Variants in TARBP1 observed in about 807,000 individuals in gnomAD.
TARBP1 encodes tRNA (guanosine(18)-2'-O)-methyltransferase TARBP1.
A neutral mutation model predicts 178.6 loss-of-function variants in TARBP1; 144 were observed. The ratio of observed to expected loss-of-function variants is 0.81; its 90% CI spans 0.70 to 0.93. TARBP1 has a LOEUF of 0.93. Ranked by LOEUF, TARBP1 falls within the 40% of genes least tolerant of loss-of-function variation. The probability of loss-of-function intolerance (pLI) is 0.00; values close to 1 mark genes in which losing one functional copy is unlikely to be tolerated. For missense variants in TARBP1, 2,067 were observed against 2,011.7 expected, an observed-to-expected ratio of 1.03 and a Z score of -0.53; for synonymous variants, 787 against 781.0, an observed-to-expected ratio of 1.01 and a Z score of -0.13.
chr1:234,406,907 G>A (rs892045404), intron 23 of TARBP1: 1 of 152,170 alleles, frequency 6.6e-6, no homozygotes, highest in Admixed American at 6.5e-5. Flanking sequence ...TACCGGCTGC[G>A]CCTGGCAGCC....
At chr1:234,447,209 G>A (rs1300184986) in intron 11 of TARBP1, among the ~76,000 whole-genome samples, 2 of 152,020 alleles carry the variant, frequency 1.3e-5, no homozygotes, top group Non-Finnish European at 2.9e-5. Flanking sequence ...TTCAATGCCA[G>A]GCACCAGCAG....
chr1:234,428,781 C>G (rs565286823), intron 17 of TARBP1, among the ~76,000 whole-genome samples: 1 of 152,100 alleles, frequency 6.6e-6, no homozygotes, highest in African/African-American at 2.4e-5. Context: ...CCTGACCTCA[C>G]GTGATCCGCC....
chr1:234,460,286 C>T lies in TARBP1; in HGVS notation c.1510G>A (p.Gly504Ser). 1 of 1,614,032 alleles carries T rather than the reference C, an allele frequency of 6.2e-7. No individual in the cohort carries two copies. Among genetic ancestry groups the T allele is most frequent in the Non-Finnish European group, 8.5e-7 (1 of 1,179,980 alleles). The stretch of plus-strand genomic sequence containing the variant: ...CTGAGAGCAAGAAGCCCATCTATAC[C>T]CAGGGCCTTATGTCTTGGGACATTT... ...LANVPRHKAL[G>S]IDGLLALRDV... Residue 504 changes from glycine (G) to serine (S), a missense_variant, in exon 7 of 30, where the codon GGT becomes AGT. Gly to Ser is a moderately conservative substitution (Grantham distance 56, BLOSUM62 0). Transcript: ENST00000040877.
At chr1:234,419,980 AG>A (rs956378544) in intron 21 of TARBP1, among the ~76,000 whole-genome samples, 6 of 152,234 alleles carry the variant, frequency 3.9e-5, no homozygotes, top group Non-Finnish European at 7.3e-5. Context: ...AAAAGAAGGT[AG>A]GGAGGACAGT....
chr1:234,405,994 C>T lies in TARBP1; in HGVS notation c.3898G>A (p.Val1300Met), dbSNP rs778478690. The T allele has an allele frequency of 8.7e-6, 14 of 1,614,078 alleles. No individual in the cohort carries two copies. In the Admixed American group the frequency reaches 1.3e-4, roughly 15 times the overall value. ...ALVALKKLWT[V>M]CKVLSVEEFD... ...TCTTCAACACTTAACACTTTACACACAGTCCAGAGTTTCTTAAGAGCAACT... is the reference window on the plus strand; with the variant it reads ...TCTTCAACACTTAACACTTTACACATAGTCCAGAGTTTCTTAAGAGCAACT... The change falls in exon 24 of 30, where the codon GTG (valine) becomes ATG (methionine). Residue 1300 changes from valine to methionine, a missense_variant. Transcript: ENST00000040877.
At chr1:234,429,957 T>C in intron 15 of TARBP1, 130 bp downstream of exon 15, 1 of 970,444 alleles carries the variant, frequency 1.0e-6, no homozygotes, top group Non-Finnish European at 1.5e-6. Flanking sequence ...TGAATAATGT[T>C]ATACCACACT....
rs774577647 is a variant in TARBP1, at chr1:234,478,440, C to G, written c.664G>C (p.Gly222Arg). ...AGCTTCTCCTCTACGCGGCCGGACC[C>G]CAGGGACGCCCCAGGCGCGGCCAGC... ...GGLAAPGASL[G>R]SGRVEEKLLV... is the part of the protein sequence containing the mutation. Residue 222 changes from glycine to arginine, a missense_variant, in exon 1 of 30, where the codon GGG becomes CGG. Physicochemically the swap from Gly to Arg is moderately radical, Grantham distance 125 (BLOSUM62 -2). Transcript: ENST00000040877. 1.3e-4 allele frequency: 181 copies of G among 1,389,610 alleles called. No homozygotes were observed. In the African/African-American group the frequency reaches 1.5e-3, roughly 11 times the overall value. The allele number at this position is 1,389,610 out of a possible 1,614,324, so 86.1% of individuals were successfully genotyped here.
In TARBP1 at chr1:234,392,428, A is replaced by T; in HGVS notation, c.4685T>A (p.Leu1562Gln). 1.2e-6 allele frequency: 2 copies of T among 1,614,164 alleles called. No homozygotes were observed. Among genetic ancestry groups the T allele is most frequent in the Non-Finnish European group, 1.7e-6 (2 of 1,179,996 alleles). Residue 1562 changes from leucine (L) to glutamine (Q), a missense_variant, in exon 29 of 30, where the codon CTG (leucine) becomes CAG (glutamine). Physicochemically the swap from Leu to Gln is moderately radical, Grantham distance 113. Coordinates refer to ENST00000040877, the MANE Select transcript of TARBP1 (RefSeq NM_005646.4). ...AGAAGCTTCTTACCCCAACAAGAGC[A>T]GAGATTTCTCAGGAAAGCAATATTG... is the stretch of plus-strand genomic sequence containing the variant. ...LTQYCFPEKS[L>Q]LLLGNEREGI...
At chr1:234,433,258 T>C in intron 14 of TARBP1, 152 bp downstream of exon 14, 1 of 834,956 alleles carries the variant, frequency 1.2e-6, no homozygotes, top group Non-Finnish European at 1.8e-6. Context: ...AAAGTATCAA[T>C]CTTAACTACA....
Position 234,448,559 on chromosome 1 carries a change from G to T in TARBP1, c.1882C>A (p.Pro628Thr), listed in dbSNP as rs34287615. The change falls in exon 11 of 30, where the codon CCT becomes ACT. Residue 628 changes from proline to threonine, a missense_variant. Coordinates refer to ENST00000040877, the MANE Select transcript of TARBP1 (RefSeq NM_005646.4). ...AWETGENCFM[P>T]DWFEAKLVSL... The stretch of plus-strand genomic sequence containing the variant: ...ACAAGCTTGGCTTCAAACCAATCAG[G>T]CATAAAGCAGTTTTCTCCTGCTTAA... 232 of 1,613,804 alleles carry T rather than the reference G, an allele frequency of 1.4e-4. No individual in the cohort carries two copies. The African/African-American group carries it at 2.1e-3, about 15-fold the overall frequency.
chr1:234,433,539 C>G lies in TARBP1; in HGVS notation c.2265G>C (p.Leu755=), dbSNP rs1664694867. ...GATTTATAAGCTCAGTTAACACCAT[C>G]AGGTATAAATGGCAACGATCCAGAT... is the stretch of plus-strand genomic sequence containing the variant. ...VSDLDRCHLY[L]MVLTELINLH... is the part of the protein sequence containing the mutation. Residue 755 remains leucine, a synonymous_variant, in exon 14 of 30, where the codon CTG becomes CTC. Transcript: ENST00000040877. The G allele has an allele frequency of 5.0e-6, 8 of 1,613,642 alleles. No homozygotes were observed. Among genetic ancestry groups the G allele is most frequent in the Admixed American group, 1.7e-5 (1 of 59,844 alleles).
chr1:234,435,639 C>T (rs1362402855), intron 13 of TARBP1, among the ~76,000 whole-genome samples: 1 of 152,168 alleles, frequency 6.6e-6, no homozygotes, highest in Non-Finnish European at 1.5e-5. Flanking sequence ...AATTTCCTTA[C>T]TCTCTTGTAA....
intron 20 of TARBP1, among the ~76,000 whole-genome samples, chr1:234,425,353 T>C (rs1419126049): frequency 6.6e-6 from 1 of 152,152 alleles, no homozygotes; most frequent in Non-Finnish European, 1.5e-5. Context: ...AAACCAAACT[T>C]GAGTTGGACA....
In TARBP1 at chr1:234,418,895, G is replaced by A. The variant is rs766951311; in HGVS notation, c.3556-662C>T. Among the ~76,000 whole-genome samples the A allele has an allele frequency of 3.3e-5, 5 of 152,262 alleles. No individual in the cohort carries two copies. The East Asian group carries it at 9.6e-4, about 29-fold the overall frequency. On this transcript the variant is annotated intron_variant, in intron 21 of 29. Coordinates refer to ENST00000040877, the MANE Select transcript of TARBP1 (RefSeq NM_005646.4). ...CATATAAAAGTAATATGTATTGGCCGGGCACAGTGGCTCATGCCTGTAATC... is the reference window on the plus strand; with the variant it reads ...CATATAAAAGTAATATGTATTGGCCAGGCACAGTGGCTCATGCCTGTAATC...
chr1:234,471,363 CAT>C (rs1340743429), intron 2 of TARBP1, 106 bp from the exon 3 acceptor site: 2 of 734,826 alleles, frequency 2.7e-6, no homozygotes, highest in Admixed American at 2.8e-5. Context: ...TTCTACAAAA[CAT>C]ATGTAGAAAG....
rs748937202 is a variant in TARBP1, at chr1:234,427,576, C to G, written c.3251G>C (p.Arg1084Thr). 9.4e-6 allele frequency: 15 copies of G among 1,594,366 alleles called. No homozygotes were observed. The highest frequency in any genetic ancestry group is 1.2e-5 in the Non-Finnish European group (14 of 1,174,626). Reference sequence around the variant, plus strand: ...CAGTTGAAATAATAGCATCTTTTACCTTTGATCACGCCTAAACACAGTTCC... The same window carrying G: ...CAGTTGAAATAATAGCATCTTTTACGTTTGATCACGCCTAAACACAGTTCC... ...IFGTVFRRDQ[R>T]LVQDVQTFIE... is the part of the protein sequence containing the mutation. Residue 1084 changes from arginine to threonine, a missense_variant and splice_region_variant, in exon 18 of 30, where the codon AGA (arginine) becomes ACA (threonine). Physicochemically the swap from Arg to Thr is moderately conservative, Grantham distance 71. Coordinates refer to ENST00000040877, the MANE Select transcript of TARBP1 (RefSeq NM_005646.4).
chr1:234,421,259 C>A (rs1022699765), intron 20 of TARBP1, among the ~76,000 whole-genome samples: 3 of 151,944 alleles, frequency 2.0e-5, no homozygotes, highest in Admixed American at 2.0e-4. Flanking sequence ...CAGCTAACTT[C>A]TGTATTTTTA....
At chr1:234,478,138 G>T in intron 1 of TARBP1, 35 bp downstream of exon 1, 1 of 1,591,120 alleles carries the variant, frequency 6.3e-7, no homozygotes, top group Non-Finnish European at 8.6e-7. Flanking sequence ...CAGCCAAGTA[G>T]GTAGCACTAG....
intron 12 of TARBP1, among the ~76,000 whole-genome samples, chr1:234,440,247 G>A (rs1425832487): frequency 2.0e-5 from 3 of 150,968 alleles, no homozygotes; most frequent in African/African-American, 7.3e-5. Flanking sequence ...CAGAAAACAA[G>A]AAACGTCTAA....
Sources: gnomAD v4.1 joint callset for allele counts (sites outside exome capture counted in the v4.1 genomes callset) on GRCh38, gnomAD v4.1.1 for gene constraint, MANE v1.5 for transcripts, NCBI Gene and HGNC (gene_info 2026-07-23, HGNC 2026-07-21) for gene names.